FSTL5: variants seen among roughly 807,000 people sequenced by gnomAD.
FSTL5 encodes follistatin-related protein 5.
A neutral mutation model predicts 89.1 loss-of-function variants in FSTL5; 62 were observed. The ratio of observed to expected loss-of-function variants is 0.70; its 90% CI spans 0.57 to 0.86. The LOEUF (loss-of-function observed/expected upper bound fraction) is 0.86, where lower values mean the gene tolerates loss of function less well. FSTL5 is among the 40% of genes least tolerant of loss of function. The pLI is 0.00. For missense variants in FSTL5, 1,057 were observed against 1,001.6 expected (o/e 1.06, Z -0.75); for synonymous variants, 383 against 346.2 (o/e 1.11, Z -1.18).
chr4:162,158,194 C>T (rs1733557802), intron 1 of FSTL5, among the ~76,000 whole-genome samples: 1 of 151,966 alleles, frequency 6.6e-6, no homozygotes, highest in African/African-American at 2.4e-5. Flanking sequence ...ATTTCATCTC[C>T]AGTAGGACTT....
intron 7 of FSTL5, among the ~76,000 whole-genome samples, chr4:161,641,423 G>C (rs1735952554): frequency 8.2e-6 from 1 of 121,272 alleles, no homozygotes; most frequent in African/African-American, 3.5e-5. Context: ...CAACCAAAAG[G>C]GTAGGTGGAG....
intron 2 of FSTL5, among the ~76,000 whole-genome samples, chr4:162,071,761 C>T (rs148368717): frequency 2.4e-3 from 369 of 151,788 alleles, no homozygotes; most frequent in African/African-American, 8.5e-3. Flanking sequence ...GAAGTTTCAA[C>T]GCATTTTAAA....
At chr4:161,447,377 G>A (rs114016297) in intron 15 of FSTL5, among the ~76,000 whole-genome samples, 221 of 152,008 alleles carry the variant, frequency 1.5e-3, no homozygotes, top group African/African-American at 4.9e-3. Context: ...ACATTACATA[G>A]CAAATGTGGG....
chr4:161,767,009 C>G (rs1741038156), intron 5 of FSTL5, among the ~76,000 whole-genome samples: 1 of 152,220 alleles, frequency 6.6e-6, no homozygotes. Context: ...CCTATCCTCT[C>G]CCCAAAGTTT....
At chr4:161,550,512 C>T (rs1055154019) in intron 8 of FSTL5, among the ~76,000 whole-genome samples, 5 of 150,652 alleles carry the variant, frequency 3.3e-5, no homozygotes, top group South Asian at 4.2e-4. Context: ...AAACAAATAA[C>T]TTTTTTTTGT....
At chr4:162,146,948 A>G (rs1227522352) in intron 1 of FSTL5, among the ~76,000 whole-genome samples, 5 of 151,734 alleles carry the variant, frequency 3.3e-5, no homozygotes, top group African/African-American at 4.8e-5. Context: ...TGCCTGGGCT[A>G]ATTTTTGTAT....
chr4:161,836,984 C>T (rs1731064457), intron 4 of FSTL5, among the ~76,000 whole-genome samples: 1 of 152,020 alleles, frequency 6.6e-6, no homozygotes, highest in Non-Finnish European at 1.5e-5. Flanking sequence ...GAGTTTGAGA[C>T]ATCTATGTGC....
intron 6 of FSTL5, among the ~76,000 whole-genome samples, chr4:161,728,110 TAAG>T: frequency 1.3e-5 from 2 of 152,282 alleles, no homozygotes; most frequent in Middle Eastern, 6.8e-3. Context: ...ATTCAGATGA[TAAG>T]AAGTCTGAGC....
intron 1 of FSTL5, among the ~76,000 whole-genome samples, chr4:162,113,863 T>C (rs1282144033): frequency 1.3e-5 from 2 of 152,212 alleles, no homozygotes; most frequent in Non-Finnish European, 2.9e-5. Context: ...TTCAGGGATG[T>C]AATTATAAAT....
At chr4:161,739,062 T>C (rs1308139382) in intron 6 of FSTL5, among the ~76,000 whole-genome samples, 1 of 152,236 alleles carries the variant, frequency 6.6e-6, no homozygotes, top group Non-Finnish European at 1.5e-5. Flanking sequence ...TTAAAAATGT[T>C]TGATGTGACT....
At chr4:161,940,902 T>C (rs1345326869) in intron 3 of FSTL5, among the ~76,000 whole-genome samples, 1 of 151,480 alleles carries the variant, frequency 6.6e-6, no homozygotes, top group East Asian at 1.9e-4. Flanking sequence ...GGACTGAGAG[T>C]AGTAGTTCCC....
intron 13 of FSTL5, among the ~76,000 whole-genome samples, chr4:161,465,303 T>C (rs1425694841): frequency 6.6e-6 from 1 of 152,136 alleles, no homozygotes; most frequent in African/African-American, 2.4e-5. Context: ...GGTGTGCACA[T>C]TTTTTGTTTA....
intron 6 of FSTL5, among the ~76,000 whole-genome samples, chr4:161,742,196 A>C (rs555171090): frequency 6.6e-6 from 1 of 152,210 alleles, no homozygotes; most frequent in Non-Finnish European, 1.5e-5. Context: ...AGGAGGGTCC[A>C]TTTGATATCC....
intron 15 of FSTL5, among the ~76,000 whole-genome samples, chr4:161,421,019 T>G (rs1431353054): frequency 6.6e-6 from 1 of 152,108 alleles, no homozygotes; most frequent in Non-Finnish European, 1.5e-5. Context: ...TAAAGGATTA[T>G]TACAGACAGT....
chr4:161,544,092 T>C (rs1731926511), intron 8 of FSTL5, among the ~76,000 whole-genome samples: 1 of 151,834 alleles, frequency 6.6e-6, no homozygotes, highest in South Asian at 2.1e-4. Flanking sequence ...ATTTCTCTAT[T>C]GAAGATGTAT....
chr4:161,448,605 C>A (rs576147117), intron 15 of FSTL5, among the ~76,000 whole-genome samples: 1 of 152,160 alleles, frequency 6.6e-6, no homozygotes, highest in Admixed American at 6.5e-5. Context: ...GAATTTATGC[C>A]AAAATGAGTG....
chr4:161,682,038 A>G (rs1737543749), intron 6 of FSTL5, among the ~76,000 whole-genome samples: 1 of 152,210 alleles, frequency 6.6e-6, no homozygotes, highest in Non-Finnish European at 1.5e-5. Flanking sequence ...TACAGTAATG[A>G]GTAGTATTGT....
At chr4:161,395,082 T>A (rs1036570240) in intron 15 of FSTL5, among the ~76,000 whole-genome samples, 1 of 152,126 alleles carries the variant, frequency 6.6e-6, no homozygotes, top group Non-Finnish European at 1.5e-5. Flanking sequence ...TCTAAAAACC[T>A]GAGAGTGAAC....
chr4:161,515,356 C>T (rs114173011), intron 10 of FSTL5, among the ~76,000 whole-genome samples: 107 of 151,966 alleles, frequency 7.0e-4, no homozygotes, highest in Non-Finnish European at 1.3e-3. Context: ...CACCACCACA[C>T]CCAGCTATTT....
Sources: gnomAD v4.1 joint callset for allele counts (sites outside exome capture counted in the v4.1 genomes callset) on GRCh38, gnomAD v4.1.1 for gene constraint, MANE v1.5 for transcripts, NCBI Gene and HGNC (gene_info 2026-07-23, HGNC 2026-07-21) for gene names.